Variants in ADD2 observed in about 807,000 individuals in gnomAD.
ADD2 encodes the protein adducin 2.
ADD2 carries 23 observed loss-of-function variants against 83.0 expected under a neutral mutation model. That is an observed-to-expected ratio of 0.28 (90% confidence interval 0.20 to 0.39). ADD2 has a LOEUF of 0.39. Among genes scored for constraint, ADD2 ranks in the 10% least tolerant of loss-of-function variants. The pLI, the probability that ADD2 is intolerant of heterozygous loss-of-function variation, is 1.00. For synonymous variants in ADD2, 375 were observed against 375.4 expected (o/e 1.00, Z 0.01); for missense variants, 758 against 944.9 (o/e 0.80, Z 2.59).
At chr2:70,750,404 G>T (rs1674450293) in intron 1 of ADD2, among the ~76,000 whole-genome samples, 2 of 152,192 alleles carry the variant, frequency 1.3e-5, no homozygotes, top group South Asian at 4.1e-4. Flanking sequence ...CAGGATCTCT[G>T]CAGATGCAAT....
chr2:70,758,470 T>C (rs1228997870), intron 1 of ADD2, among the ~76,000 whole-genome samples: 8 of 151,690 alleles, frequency 5.3e-5, no homozygotes, highest in African/African-American at 1.9e-4. Flanking sequence ...TTCAGAAAAA[T>C]GGAGTAGTTC....
At chr2:70,702,216 G>A (rs1671620371) in intron 4 of ADD2, among the ~76,000 whole-genome samples, 1 of 152,234 alleles carries the variant, frequency 6.6e-6, no homozygotes, top group African/African-American at 2.4e-5. Flanking sequence ...ACTCAGACTG[G>A]AGTGCAGTGG....
intron 10 of ADD2, 110 bp downstream of exon 10, chr2:70,683,481 C>G: frequency 1.7e-6 from 2 of 1,188,298 alleles, no homozygotes; most frequent in Non-Finnish European, 2.3e-6. Context: ...CTTCAACAAC[C>G]TAGTTGTGAT....
chr2:70,666,526 A>T (rs1185178153), intron 15 of ADD2, among the ~76,000 whole-genome samples: 1 of 152,166 alleles, frequency 6.6e-6, no homozygotes, highest in African/African-American at 2.4e-5. Flanking sequence ...ATTTCTCAAG[A>T]CTGACCCTTG....
Position 70,706,388 on chromosome 2 carries a change from G to T in ADD2, c.21C>A (p.Pro7=). 1 of 1,609,178 alleles carries T rather than the reference G, an allele frequency of 6.2e-7. No homozygotes were observed. The highest frequency in any genetic ancestry group is 1.7e-5 in the Admixed American group (1 of 59,796). Residue 7 remains proline, a synonymous_variant, in exon 3 of 16, where the codon CCC becomes CCA. Transcript: ENST00000264436. The surrounding 1 kb of genome is among the most constrained non-coding windows in gnomAD (Gnocchi z 5.0). MSEETV[P]EAASPPPPQG... ...GCGGGGGCGGCGGCGAGGCAGCCTC[G>T]GGGACCGTCTCTTCGCTCATTTTCC...
At chr2:70,672,670 G>A (rs1375521839) in intron 15 of ADD2, among the ~76,000 whole-genome samples, 1 of 152,218 alleles carries the variant, frequency 6.6e-6, no homozygotes, top group African/African-American at 2.4e-5. Context: ...ATTCTTCATT[G>A]CTTATACTGG....
intron 1 of ADD2, among the ~76,000 whole-genome samples, chr2:70,723,487 C>T (rs1302146459): frequency 7.9e-5 from 12 of 151,890 alleles, no homozygotes; most frequent in Admixed American, 7.2e-4. Context: ...GGAACATCAA[C>T]GAATCTGAAA....
At chr2:70,730,367 C>A (rs1280255005) in intron 1 of ADD2, among the ~76,000 whole-genome samples, 1 of 152,136 alleles carries the variant, frequency 6.6e-6, no homozygotes, top group African/African-American at 2.4e-5. Flanking sequence ...GCCTATGGGC[C>A]AAAATTAGTC....
intron 9 of ADD2, among the ~76,000 whole-genome samples, chr2:70,685,825 C>T (rs11892567): frequency 0.041 from 6,260 of 152,306 alleles, 425 homozygotes; most frequent in African/African-American, 0.14. Context: ...CCACCTCCCT[C>T]TTCCTCCCCC....
At position 70,658,153 on chromosome 2, in the gene ADD2, A is replaced by G. The variant is rs912618859; in HGVS notation, c.*5272T>C. ...ATTGTTCCTAAGATGAAAAGCCTACATTCTCAAGGGAATTGTCTCTATAAA... is the reference window on the plus strand; with the variant it reads ...ATTGTTCCTAAGATGAAAAGCCTACGTTCTCAAGGGAATTGTCTCTATAAA... On this transcript the variant is annotated 3_prime_UTR_variant, in exon 16 of 16. Transcript: ENST00000264436. The G allele has an allele frequency of 6.6e-5, 10 of 152,208 alleles. No individual in the cohort carries two copies. Among genetic ancestry groups the G allele is most frequent in the African/African-American group, 2.2e-4 (9 of 41,450 alleles). 9.4% of individuals were successfully genotyped at this position (152,208 alleles called of 1,614,324 possible).
At chr2:70,683,415 A>C (rs1232185658) in intron 10 of ADD2, among the ~76,000 whole-genome samples, 176 bp downstream of exon 10, 1 of 152,202 alleles carries the variant, frequency 6.6e-6, no homozygotes, top group Non-Finnish European at 1.5e-5. Context: ...GTTTACAAAA[A>C]TTCAACTACT....
intron 1 of ADD2, among the ~76,000 whole-genome samples, chr2:70,763,674 C>A (rs1201571772): frequency 6.6e-6 from 1 of 151,820 alleles, no homozygotes; most frequent in African/African-American, 2.4e-5. Context: ...TAATTTATTG[C>A]AATAGGTAAG....
chr2:70,766,858 G>T (rs566032039), intron 1 of ADD2, among the ~76,000 whole-genome samples: 123 of 152,352 alleles, frequency 8.1e-4, no homozygotes, highest in African/African-American at 2.8e-3. Flanking sequence ...AAGAGTGGGT[G>T]TAAGGAAACA....
intron 1 of ADD2, among the ~76,000 whole-genome samples, chr2:70,715,387 G>C (rs1193228244): frequency 1.3e-5 from 2 of 152,206 alleles, no homozygotes; most frequent in Non-Finnish European, 2.9e-5. Context: ...CATGCGTTGA[G>C]AACCTAGCTC....
At chr2:70,763,138 C>T (rs1553385336) in intron 1 of ADD2, among the ~76,000 whole-genome samples, 2 of 151,908 alleles carry the variant, frequency 1.3e-5, no homozygotes, top group African/African-American at 4.9e-5. Context: ...GTTTAGACTC[C>T]ACAGAGGATA....
chr2:70,767,740 C>T, intron 1 of ADD2, 146 bp downstream of exon 1: 1 of 1,435,652 alleles, frequency 7.0e-7, no homozygotes, highest in Non-Finnish European at 9.1e-7. Context: ...CCGCTGCCGG[C>T]CAGGGCTGCA....
At chr2:70,746,826 C>T (rs1553382076) in intron 1 of ADD2, among the ~76,000 whole-genome samples, 1 of 152,140 alleles carries the variant, frequency 6.6e-6, no homozygotes, top group East Asian at 1.9e-4. Flanking sequence ...ACCACTGACC[C>T]ACAGCCTGGG....
chr2:70,659,278 G>T lies in ADD2; in HGVS notation c.*4147C>A, dbSNP rs1485612813. 3 of 152,020 alleles carry T rather than the reference G, an allele frequency of 2.0e-5. No individual in the cohort carries two copies. Among genetic ancestry groups the T allele is most frequent in the Non-Finnish European group, 4.4e-5 (3 of 68,028 alleles). 9.4% of individuals were successfully genotyped at this position (152,020 alleles called of 1,614,324 possible). A position where few individuals can be genotyped will look rare whatever the true frequency, so the allele number is the denominator to read the frequency against. ...GAAAATTATTTTTAGACTTTCAGAG[G>T]CGAATCATGCTGTTGGGCAAATGGT... On this transcript the variant is annotated 3_prime_UTR_variant, in exon 16 of 16. Coordinates refer to ENST00000264436, the MANE Select transcript of ADD2 (RefSeq NM_001617.4).
In ADD2 at chr2:70,683,692, C is replaced by T; in HGVS notation, c.1024G>A (p.Val342Met). 1 of 1,614,200 alleles carries T rather than the reference C, an allele frequency of 6.2e-7. No homozygotes were observed. The highest frequency in any genetic ancestry group is 8.5e-7 in the Non-Finnish European group (1 of 1,180,026). Residue 342 changes from valine (V) to methionine (M), a missense_variant, in exon 10 of 16, where the codon GTG (valine) becomes ATG (methionine). Physicochemically the swap from Val to Met is conservative, Grantham distance 21. Transcript: ENST00000264436. Reference sequence around the variant, plus strand: ...CTCCCGGCCCACTGCACGGAGCCCACCTCATGGGGCCGGTGCTTCTCCTGC... The same window carrying T: ...CTCCCGGCCCACTGCACGGAGCCCATCTCATGGGGCCGGTGCTTCTCCTGC... ...LEQEKHRPHE[V>M]GSVQWAGSTF...
Sources: gnomAD v4.1 joint callset for allele counts (sites outside exome capture counted in the v4.1 genomes callset) on GRCh38, gnomAD v4.1.1 for gene constraint, Gnocchi (gnomAD v3.1) non-coding constraint, MANE v1.5 for transcripts, NCBI Gene and HGNC (gene_info 2026-07-23, HGNC 2026-07-21) for gene names.